The following ATP13A5 variants were observed in gnomAD, a reference collection of about 807,000 sequenced individuals.
ATP13A5 encodes the protein probable cation-transporting ATPase 13A5.
A neutral mutation model predicts 150.2 loss-of-function variants in ATP13A5; 149 were observed. The observed-to-expected ratio is 0.99, with a 90% CI of 0.87 to 1.14. ATP13A5 has a LOEUF of 1.14. Among genes scored for constraint, ATP13A5 ranks in the 50% most tolerant of loss-of-function variants. ATP13A5 has a pLI of 0.00. For synonymous variants in ATP13A5, 497 were observed against 522.2 expected (o/e 0.95, Z 0.66); for missense variants, 1,383 against 1,449.3 (o/e 0.95, Z 0.74).
intron 1 of ATP13A5, among the ~76,000 whole-genome samples, chr3:193,376,593 T>C (rs1178962902): frequency 1.3e-5 from 2 of 152,166 alleles, no homozygotes; most frequent in African/African-American, 4.8e-5. Flanking sequence ...GTTTGATACT[T>C]AGGTAAAAGT....
intron 14 of ATP13A5, chr3:193,324,075 A>G (rs1171511586): frequency 6.6e-6 from 1 of 152,074 alleles, no homozygotes; most frequent in Non-Finnish European, 1.5e-5. Flanking sequence ...TGAATGAGGC[A>G]TTATTACCCC....
intron 24 of ATP13A5, among the ~76,000 whole-genome samples, chr3:193,299,792 A>G (rs1718331416): frequency 6.6e-6 from 1 of 152,190 alleles, no homozygotes; most frequent in African/African-American, 2.4e-5. Context: ...TATGAAAGTC[A>G]AATCATTACT....
intron 14 of ATP13A5, 49 bp downstream of exon 14, chr3:193,324,815 A>G (rs1370375394): frequency 1.9e-6 from 3 of 1,588,596 alleles, no homozygotes; most frequent in South Asian, 2.3e-5. Flanking sequence ...CAGCACTCCC[A>G]GTAAAGATTT....
chr3:193,372,308 A>G (rs1162137238), intron 1 of ATP13A5: 1 of 84,570 alleles, frequency 1.2e-5, no homozygotes, highest in Non-Finnish European at 2.4e-5. Context: ...AAAAAAAAAA[A>G]AAAAGGGGGA....
At chr3:193,301,626 T>C (rs1718398555) in intron 23 of ATP13A5, among the ~76,000 whole-genome samples, 1 of 152,222 alleles carries the variant, frequency 6.6e-6, no homozygotes, top group East Asian at 1.9e-4. Context: ...AAGATTACTA[T>C]GTGTATTATA....
chr3:193,325,038 GTC>G, intron 13 of ATP13A5, 24 bp from the exon 14 acceptor site: 1 of 1,599,758 alleles, frequency 6.3e-7, no homozygotes, highest in Middle Eastern at 1.7e-4. Flanking sequence ...TAATGTTAAA[GTC>G]TTTGATAAAA....
chr3:193,322,388 A>G, intron 15 of ATP13A5, 103 bp downstream of exon 15: 1 of 920,460 alleles, frequency 1.1e-6, no homozygotes, highest in Non-Finnish European at 1.7e-6. Flanking sequence ...GGAAACTGTT[A>G]TGATAAGGCA....
At chr3:193,306,384 T>G (rs1718620298) in intron 22 of ATP13A5, among the ~76,000 whole-genome samples, 1 of 152,050 alleles carries the variant, frequency 6.6e-6, no homozygotes, top group Non-Finnish European at 1.5e-5. Context: ...TTTGTTTTAT[T>G]CTAAACGCCA....
In ATP13A5 at chr3:193,343,994, T is replaced by A; in HGVS notation, c.876A>T (p.Lys292Asn). Reference protein sequence around the residue: ...VPGDILILPGKFSLPCDAVLI... With the variant: ...VPGDILILPGNFSLPCDAVLI... ...AAACAGCATCACATGGCAATGAAAATTTTCCTGGAAGAATAAGAATGTCTC... is the reference window on the plus strand; with the variant it reads ...AAACAGCATCACATGGCAATGAAAAATTTCCTGGAAGAATAAGAATGTCTC... The change falls in exon 9 of 30, where the codon AAA becomes AAT. Residue 292 changes from lysine (K) to asparagine (N), a missense_variant. Physicochemically the swap from Lys to Asn is moderately conservative, Grantham distance 94. This residue lies in a region of ATP13A5 where 787 missense variants were observed against 771.9 expected (regional missense o/e 1.02). Transcript: ENST00000342358. The A allele has an allele frequency of 1.9e-6, 3 of 1,613,344 alleles. No homozygotes were observed. Among genetic ancestry groups the A allele is most frequent in the Non-Finnish European group, 2.5e-6 (3 of 1,179,610 alleles).
Position 193,305,678 on chromosome 3 carries a change from T to C in ATP13A5, c.2569-10A>G. ...GAGCCGCTTTCAAAGCCTGGAATGATAAGCCCATGTCTCACCCATGACTTT... is the reference window on the plus strand; with the variant it reads ...GAGCCGCTTTCAAAGCCTGGAATGACAAGCCCATGTCTCACCCATGACTTT... On this transcript the variant is annotated splice_polypyrimidine_tract_variant and intron_variant, in intron 22 of 29. Transcript: ENST00000342358. 6.2e-7 allele frequency: 1 copy of C among 1,612,414 alleles called. No homozygotes were observed. Among genetic ancestry groups the C allele is most frequent in the Non-Finnish European group, 8.5e-7 (1 of 1,178,496 alleles).
chr3:193,370,267 A>G (rs1380645308), intron 1 of ATP13A5, among the ~76,000 whole-genome samples: 1 of 152,204 alleles, frequency 6.6e-6, no homozygotes, highest in African/African-American at 2.4e-5. Context: ...ATTGCCATAA[A>G]TCGCAACTTA....
chr3:193,298,025 G>A (rs1242546367), intron 25 of ATP13A5, among the ~76,000 whole-genome samples: 2 of 152,208 alleles, frequency 1.3e-5, no homozygotes, highest in East Asian at 3.9e-4. Flanking sequence ...TGCTCAGTGT[G>A]TCCTGTGCTG....
intron 28 of ATP13A5, 21 bp downstream of exon 28, chr3:193,279,345 G>C (rs374432256): frequency 6.4e-7 from 1 of 1,571,362 alleles, no homozygotes. Context: ...CATGCCAGAT[G>C]TGCAAATGAA....
chr3:193,342,158 AT>A (rs1457727458), intron 9 of ATP13A5, among the ~76,000 whole-genome samples: 1 of 152,240 alleles, frequency 6.6e-6, no homozygotes, highest in Admixed American at 6.5e-5. Context: ...TATTTATAAA[AT>A]GTAAGTTGCT....
chr3:193,337,997 G>T (rs1244459990), intron 9 of ATP13A5, among the ~76,000 whole-genome samples: 1 of 152,138 alleles, frequency 6.6e-6, no homozygotes, highest in Non-Finnish European at 1.5e-5. Flanking sequence ...TGAAGCAATT[G>T]TGAATGGGAG....
At chr3:193,285,567 C>T (rs988277252) in intron 26 of ATP13A5, among the ~76,000 whole-genome samples, 4 of 152,126 alleles carry the variant, frequency 2.6e-5, no homozygotes, top group Admixed American at 6.6e-5. Context: ...AAGGGGTCTA[C>T]GGCTCTATTT....
chr3:193,366,292 G>A (rs1295544384), intron 1 of ATP13A5, among the ~76,000 whole-genome samples: 1 of 151,952 alleles, frequency 6.6e-6, no homozygotes, highest in East Asian at 1.9e-4. Context: ...TTAATGCTAT[G>A]ATTAAAAGCA....
intron 16 of ATP13A5, among the ~76,000 whole-genome samples, chr3:193,321,037 C>A (rs566450726): frequency 4.9e-4 from 75 of 152,332 alleles, no homozygotes; most frequent in African/African-American, 1.8e-3. Flanking sequence ...GTCTGCAGAA[C>A]TTACCTAGCG....
At chr3:193,303,451 G>T (rs1057468318) in intron 23 of ATP13A5, among the ~76,000 whole-genome samples, 10 of 151,998 alleles carry the variant, frequency 6.6e-5, no homozygotes, top group Non-Finnish European at 5.9e-5. Context: ...ATATAATTTT[G>T]TGTGTGTATG....
Sources: gnomAD v4.1 joint callset for allele counts (sites outside exome capture counted in the v4.1 genomes callset) on GRCh38, gnomAD v4.1.1 for gene constraint, gnomAD v4.1.1 regional missense constraint, MANE v1.5 for transcripts, NCBI Gene and HGNC (gene_info 2026-07-23, HGNC 2026-07-21) for gene names.